FAM184B: variants seen among roughly 807,000 people sequenced by gnomAD.
FAM184B encodes protein FAM184B.
FAM184B carries 111 observed loss-of-function variants against 135.9 expected under a neutral mutation model. The observed-to-expected ratio is 0.82, with a 90% CI of 0.70 to 0.96. The LOEUF is 0.96. Among genes scored for constraint, FAM184B ranks in the 40% least tolerant of loss-of-function variants. The pLI is 0.00. For synonymous variants in FAM184B, 552 were observed against 524.8 expected, an observed-to-expected ratio of 1.05 and a Z score of -0.71; for missense variants, 1,375 against 1,323.9, an observed-to-expected ratio of 1.04 and a Z score of -0.60.
intron 12 of FAM184B, 131 bp from the exon 13 acceptor site, chr4:17,642,359 C>T: frequency 7.3e-7 from 1 of 1,369,588 alleles, no homozygotes; most frequent in East Asian, 3.0e-5. Flanking sequence ...GTGGCAGGCT[C>T]CTGAGTTCCC....
intron 1 of FAM184B, among the ~76,000 whole-genome samples, chr4:17,751,942 T>TA (rs1718303915): frequency 1.8e-5 from 2 of 114,138 alleles, no homozygotes; most frequent in Admixed American, 9.5e-5. Flanking sequence ...ACCCACGGAA[T>TA]AAGAAAAAAG....
rs145100917 is a variant in FAM184B at position 17,748,930 on chromosome 4, G to A, written c.141+32229C>T. 4.9e-4 allele frequency among the ~76,000 whole-genome samples: 74 copies of A among 151,502 alleles called. 4 individuals carry two copies. In the East Asian group the frequency reaches 0.014, roughly 29 times the overall value. ...TGCAGCCAAACTCCTGGGCTCAAGT[G>A]ATTTTCCCAGTTTAGCCTCTGGAGT... On this transcript the variant is annotated intron_variant, in intron 1 of 17. Transcript: ENST00000265018.
rs546554514 is a variant in FAM184B, at chr4:17,659,819, C to T, written c.1824+139G>A. 124 of 1,184,640 alleles carry T rather than the reference C, an allele frequency of 1.0e-4. No homozygotes were observed. In the East Asian group the frequency reaches 3.1e-3, roughly 29 times the overall value. 73.4% of individuals were successfully genotyped at this position (1,184,640 alleles called of 1,614,324 possible). On this transcript the variant is annotated intron_variant, in intron 9 of 17. Coordinates refer to ENST00000265018, the MANE Select transcript of FAM184B (RefSeq NM_015688.2). ...TTTGGAATGAATGAATAAATAAAAC[C>T]AAGAATCCCACTTTGCCCTGGTCCT... is the stretch of plus-strand genomic sequence containing the variant.
intron 7 of FAM184B, among the ~76,000 whole-genome samples, chr4:17,669,370 T>C (rs1396406493): frequency 6.6e-6 from 1 of 152,188 alleles, no homozygotes; most frequent in Non-Finnish European, 1.5e-5. Flanking sequence ...TGCCATAAAT[T>C]CAGGTTCTGT....
At chr4:17,640,243 C>T (rs1428560729) in intron 13 of FAM184B, among the ~76,000 whole-genome samples, 2 of 147,000 alleles carry the variant, frequency 1.4e-5, no homozygotes, top group African/African-American at 2.5e-5. Context: ...GAGGCCAAGG[C>T]GGGAGGATCA....
At chr4:17,716,430 C>A (rs890368976) in intron 1 of FAM184B, among the ~76,000 whole-genome samples, 2 of 152,062 alleles carry the variant, frequency 1.3e-5, no homozygotes, top group African/African-American at 4.8e-5. Context: ...GCAACCTTGA[C>A]CTCCTGGGCT....
rs1719023060 is a variant in FAM184B at position 17,781,098 on chromosome 4, C to A, written c.141+61G>T. ...GGGCCTCCCGGGAGGCGCATCCGCA[C>A]TGACTCCCGGCTCGGGCGCCCCGGG... On this transcript the variant is annotated intron_variant, in intron 1 of 17. Coordinates refer to ENST00000265018, the MANE Select transcript of FAM184B (RefSeq NM_015688.2). The surrounding 1 kb of genome is among the most constrained non-coding windows in gnomAD (Gnocchi z 6.5). 13 of 1,476,072 alleles carry A rather than the reference C, an allele frequency of 8.8e-6. No individual in the cohort carries two copies. Among genetic ancestry groups the A allele is most frequent in the South Asian group, 1.3e-5 (1 of 74,464 alleles). The allele number at this position is 1,476,072 out of a possible 1,614,324, so 91.4% of individuals were successfully genotyped here. A position where few individuals can be genotyped will look rare whatever the true frequency, so the allele number is the denominator to read the frequency against.
chr4:17,644,087 G>A (rs10011865), intron 12 of FAM184B, among the ~76,000 whole-genome samples: 79,511 of 152,070 alleles, frequency 0.52, 23,396 homozygotes, highest in East Asian at 0.88. Context: ...CACAGGCGAA[G>A]GCCAAAGGGA....
intron 1 of FAM184B, among the ~76,000 whole-genome samples, chr4:17,736,616 G>C (rs1006889706): frequency 6.6e-6 from 1 of 152,184 alleles, no homozygotes; most frequent in Non-Finnish European, 1.5e-5. Flanking sequence ...CAAGTCAGCT[G>C]TCCTGGTTGT....
At chr4:17,652,318 G>A (rs1715644105) in intron 11 of FAM184B, among the ~76,000 whole-genome samples, 1 of 151,660 alleles carries the variant, frequency 6.6e-6, no homozygotes, top group Non-Finnish European at 1.5e-5. Context: ...TAGAGACGGG[G>A]TTTCACTGTG....
intron 11 of FAM184B, 74 bp downstream of exon 11, chr4:17,652,756 C>T: frequency 6.7e-7 from 1 of 1,491,614 alleles, no homozygotes; most frequent in Non-Finnish European, 9.0e-7. Context: ...CCCTGGCCCT[C>T]AGCTTGTCTC....
intron 1 of FAM184B, among the ~76,000 whole-genome samples, chr4:17,735,082 G>GA (rs1305383880): frequency 7.0e-6 from 1 of 143,834 alleles, no homozygotes; most frequent in Non-Finnish European, 1.5e-5. Flanking sequence ...ATCGCAAGGA[G>GA]AAAAAACCAA....
At chr4:17,707,988 TAAA>T (rs111636257) in intron 2 of FAM184B, among the ~76,000 whole-genome samples, 49 of 148,894 alleles carry the variant, frequency 3.3e-4, no homozygotes, top group African/African-American at 1.2e-3. Context: ...GATAAAGTGG[TAAA>T]AAAAAAATGC....
intron 11 of FAM184B, among the ~76,000 whole-genome samples, chr4:17,649,284 G>T (rs542679710): frequency 6.6e-6 from 1 of 152,232 alleles, no homozygotes; most frequent in South Asian, 2.1e-4. Context: ...GTATTTGGAT[G>T]ATATTAAGAT....
chr4:17,759,017 C>T (rs1237579715), intron 1 of FAM184B, among the ~76,000 whole-genome samples: 1 of 152,192 alleles, frequency 6.6e-6, no homozygotes, highest in Non-Finnish European at 1.5e-5. Context: ...TTTATCTTTT[C>T]TCAGAGAGAC....
chr4:17,719,095 T>G (rs1717463757), intron 1 of FAM184B, among the ~76,000 whole-genome samples: 1 of 152,198 alleles, frequency 6.6e-6, no homozygotes, highest in Non-Finnish European at 1.5e-5. Flanking sequence ...ATTTATAAAC[T>G]AGGCACAATA....
At chr4:17,757,333 G>A (rs2159309) in intron 1 of FAM184B, among the ~76,000 whole-genome samples, 89,585 of 152,024 alleles carry the variant, frequency 0.59, 30,774 homozygotes, top group Non-Finnish European at 0.79. Flanking sequence ...ACATATCAAC[G>A]TATTGCAACA....
intron 1 of FAM184B, among the ~76,000 whole-genome samples, chr4:17,711,782 G>A (rs1717277893): frequency 6.6e-6 from 1 of 152,182 alleles, no homozygotes; most frequent in Non-Finnish European, 1.5e-5. Flanking sequence ...CGTCCTCATG[G>A]GGATAGGATG....
At chr4:17,755,470 T>A (rs1450500625) in intron 1 of FAM184B, among the ~76,000 whole-genome samples, 1 of 152,194 alleles carries the variant, frequency 6.6e-6, no homozygotes, top group African/African-American at 2.4e-5. Context: ...GGACTGTAAA[T>A]TAGTTCAACC....
Sources: gnomAD v4.1 joint callset for allele counts (sites outside exome capture counted in the v4.1 genomes callset) on GRCh38, gnomAD v4.1.1 for gene constraint, Gnocchi (gnomAD v3.1) non-coding constraint, MANE v1.5 for transcripts, NCBI Gene and HGNC (gene_info 2026-07-23, HGNC 2026-07-21) for gene names.